The following COL5A1 variants were observed in gnomAD, a reference collection of about 807,000 sequenced individuals.
The protein encoded by COL5A1 is collagen alpha-1(V) chain.
A neutral mutation model predicts 263.7 loss-of-function variants in COL5A1; 16 were observed. The observed-to-expected ratio is 0.06, with a 90% CI of 0.04 to 0.09. COL5A1 has a LOEUF of 0.09. Ranked by LOEUF, COL5A1 falls within the 10% of genes least tolerant of loss-of-function variation. The pLI is 1.00. For synonymous variants in COL5A1, 1,012 were observed against 1,004.5 expected, an observed-to-expected ratio of 1.01 and a Z score of -0.14; for missense variants, 2,036 against 2,540.5, an observed-to-expected ratio of 0.80 and a Z score of 4.27.
At chr9:134,810,167 A>T in intron 43 of COL5A1, 88 bp from the exon 44 acceptor site, 10 of 1,434,608 alleles carry the variant, frequency 7.0e-6, no homozygotes, top group Non-Finnish European at 9.8e-6. Context: ...CACTGTTCTT[A>T]ATCTCCAAGA....
At chr9:134,719,542 C>G (rs1018970859) in intron 4 of COL5A1, among the ~76,000 whole-genome samples, 1 of 152,232 alleles carries the variant, frequency 6.6e-6, no homozygotes, top group Non-Finnish European at 1.5e-5. Context: ...GGCTTCCCTG[C>G]GTCCAGTGGG....
intron 9 of COL5A1, among the ~76,000 whole-genome samples, chr9:134,738,077 C>T (rs960881982): frequency 1.2e-4 from 19 of 152,196 alleles, no homozygotes; most frequent in African/African-American, 4.3e-4. Flanking sequence ...CCACCCGAGT[C>T]CCCTTGTCCT....
chr9:134,699,905 C>T lies in COL5A1; in HGVS notation c.278-4C>T, dbSNP rs1057522143. 47 of 1,613,864 alleles carry T rather than the reference C, an allele frequency of 2.9e-5. No individual in the cohort carries two copies. Among genetic ancestry groups the T allele is most frequent in the Non-Finnish European group, 3.9e-5 (46 of 1,179,988 alleles). ...TGCCTTCTCACCTCTGTGCTCTGTT[C>T]CAGCGTCTGCATTTCCCGAGGACTT... On this transcript the variant is annotated splice_polypyrimidine_tract_variant and splice_region_variant and intron_variant, in intron 2 of 65. Coordinates refer to ENST00000371817, the MANE Select transcript of COL5A1 (RefSeq NM_000093.5).
intron 25 of COL5A1, among the ~76,000 whole-genome samples, 172 bp from the exon 26 acceptor site, chr9:134,772,618 C>A (rs1391788970): frequency 6.6e-6 from 1 of 152,218 alleles, no homozygotes; most frequent in South Asian, 2.1e-4. Context: ...TCGGGGAGGC[C>A]GGGCTGTGCT....
At chr9:134,752,716 C>G in intron 14 of COL5A1, 71 bp downstream of exon 14, 3 of 1,262,474 alleles carry the variant, frequency 2.4e-6, no homozygotes, top group Non-Finnish European at 3.5e-6. Flanking sequence ...CGTTGGCGGA[C>G]AGTGGCAGGT....
intron 1 of COL5A1, among the ~76,000 whole-genome samples, chr9:134,655,178 G>T (rs928941948): frequency 3.3e-5 from 5 of 151,496 alleles, no homozygotes; most frequent in African/African-American, 4.9e-5. Context: ...TAAGGCAGGG[G>T]TTTGTAGGGC....
At chr9:134,835,715 G>C (rs1347590184) in intron 65 of COL5A1, among the ~76,000 whole-genome samples, 2 of 152,236 alleles carry the variant, frequency 1.3e-5, no homozygotes, top group African/African-American at 4.8e-5. Context: ...CAAGGGAATG[G>C]AGGCCGGAGC....
At chr9:134,752,721 G>A in intron 14 of COL5A1, 76 bp downstream of exon 14, 1 of 1,218,918 alleles carries the variant, frequency 8.2e-7, no homozygotes, top group Non-Finnish European at 1.2e-6. Context: ...GCGGACAGTG[G>A]CAGGTGGCCC....
intron 1 of COL5A1, among the ~76,000 whole-genome samples, chr9:134,643,425 C>G (rs1482556721): frequency 6.6e-6 from 1 of 152,212 alleles, no homozygotes; most frequent in Non-Finnish European, 1.5e-5. Flanking sequence ...CTTCTCTCTG[C>G]TTCACGATTG....
chr9:134,790,647 C>CATCCATCT (rs1211392345), intron 32 of COL5A1, among the ~76,000 whole-genome samples: 4 of 140,018 alleles, frequency 2.9e-5, no homozygotes, highest in African/African-American at 5.4e-5. Flanking sequence ...TCCATCCATC[C>CATCCATCT]ATCTTCTATT....
At chr9:134,812,945 G>A (rs1443947802) in intron 48 of COL5A1, among the ~76,000 whole-genome samples, 3 of 152,092 alleles carry the variant, frequency 2.0e-5, no homozygotes, top group African/African-American at 7.2e-5. Flanking sequence ...AGATGCTTGT[G>A]AAATGGAACT....
At chr9:134,824,940 C>T in intron 62 of COL5A1, 85 bp downstream of exon 62, 3 of 1,507,000 alleles carry the variant, frequency 2.0e-6, no homozygotes, top group South Asian at 1.2e-5. Flanking sequence ...ACAGTTCAGC[C>T]AGGCACAGCG....
rs1162507530 is a variant in COL5A1, at chr9:134,677,295, C to T, written c.110-13617C>T. On this transcript the variant is annotated intron_variant, in intron 1 of 65. Coordinates refer to ENST00000371817, the MANE Select transcript of COL5A1 (RefSeq NM_000093.5). The surrounding 1 kb of genome is among the most constrained non-coding windows in gnomAD (Gnocchi z 4.4). Reference sequence around the variant, plus strand: ...TCATGGCTTCTCGGGGAAGGCAGGCCCTGGTATTACACCTCCTTTCCTGCA... The same window carrying T: ...TCATGGCTTCTCGGGGAAGGCAGGCTCTGGTATTACACCTCCTTTCCTGCA... Among the ~76,000 whole-genome samples the T allele has an allele frequency of 6.6e-6, 1 of 152,086 alleles. No individual in the cohort carries two copies. Among genetic ancestry groups the T allele is most frequent in the Non-Finnish European group, 1.5e-5 (1 of 68,014 alleles).
At chr9:134,728,926 G>C in intron 6 of COL5A1, 119 bp downstream of exon 6, 1 of 1,327,626 alleles carries the variant, frequency 7.5e-7, no homozygotes. Flanking sequence ...GGTGAAGGTT[G>C]CGGGGGCAGC....
In COL5A1 at chr9:134,711,174, C is replaced by T. The variant is rs1274697595; in HGVS notation, c.654+9841C>T. ...CGGTGGTTTGGTGCCTGGAAGAAGC[C>T]CCTGTGGGCCTGCAGAGTCAGCTCG... On this transcript the variant is annotated intron_variant, in intron 4 of 65. Transcript: ENST00000371817. 4.6e-5 allele frequency among the ~76,000 whole-genome samples: 7 copies of T among 152,042 alleles called. No individual in the cohort carries two copies. In the South Asian group the frequency reaches 1.4e-3, roughly 31 times the overall value.
At chr9:134,663,476 G>A (rs1832269514) in intron 1 of COL5A1, among the ~76,000 whole-genome samples, 1 of 152,226 alleles carries the variant, frequency 6.6e-6, no homozygotes, top group Non-Finnish European at 1.5e-5. Context: ...GAGGCCATGG[G>A]CACTTGAGGG....
intron 62 of COL5A1, among the ~76,000 whole-genome samples, chr9:134,825,296 C>T (rs1159610532): frequency 6.6e-6 from 1 of 152,202 alleles, no homozygotes; most frequent in African/African-American, 2.4e-5. Context: ...GGCCTTCAAA[C>T]TCCGCGATAC....
At chr9:134,816,044 C>A (rs906644529) in intron 52 of COL5A1, 56 bp downstream of exon 52, 18 of 1,565,024 alleles carry the variant, frequency 1.2e-5, no homozygotes, top group Admixed American at 1.7e-5. Context: ...ATTCTTGGGA[C>A]CTTGCAGCTT....
chr9:134,666,293 C>T (rs1041195735), intron 1 of COL5A1, among the ~76,000 whole-genome samples: 1 of 152,210 alleles, frequency 6.6e-6, no homozygotes, highest in Non-Finnish European at 1.5e-5. Context: ...ACCTACCTCT[C>T]CTGGTGTCAC....
Sources: allele counts gnomAD v4.1 joint callset (sites outside exome capture counted in the v4.1 genomes callset), GRCh38; gene constraint gnomAD v4.1.1; non-coding constraint Gnocchi (gnomAD v3.1); transcripts MANE v1.5; gene names NCBI Gene and HGNC (gene_info 2026-07-23, HGNC 2026-07-21).